The following CTCFL variants were observed in gnomAD, a reference collection of about 807,000 sequenced individuals.
The protein encoded by CTCFL is transcriptional repressor CTCFL.
In CTCFL, 36 loss-of-function variants were observed where a neutral mutation model predicts 67.4. That is an observed-to-expected ratio of 0.53 (90% CI 0.41 to 0.71). CTCFL has a LOEUF of 0.71. Ranked by LOEUF, CTCFL falls within the 30% of genes least tolerant of loss-of-function variation. The pLI, the probability that CTCFL is intolerant of heterozygous loss-of-function variation, is 0.00. For synonymous variants in CTCFL, 324 were observed against 302.3 expected (o/e 1.07, Z -0.75); for missense variants, 786 against 835.2 (o/e 0.94, Z 0.73).
chr20:57,496,269 C>T (rs2146263753), downstream of CTCFL: 2 of 692,182 alleles, frequency 2.9e-6, no homozygotes, highest in East Asian at 2.7e-5. Context: ...GACGCGCCTA[C>T]TCCCTCTTCG....
At chr20:57,519,473 G>A in intron 3 of CTCFL, 96 bp from the exon 4 acceptor site, 1 of 1,057,058 alleles carries the variant, frequency 9.5e-7, no homozygotes, top group Non-Finnish European at 1.4e-6. Context: ...AACTAACGTG[G>A]GAACTGAACA....
At chr20:57,496,096 G>A (rs1244735705), downstream of CTCFL, 3 of 400,906 alleles carry the variant, frequency 7.5e-6, no homozygotes, top group Non-Finnish European at 1.3e-5. Context: ...AGTGTTGGAG[G>A]TGGGGCCTGG....
At chr20:57,513,879 CAAAG>C (rs2068720911) in intron 7 of CTCFL, 1 of 1,288,986 alleles carries the variant, frequency 7.8e-7, no homozygotes. Flanking sequence ...AATCCTGAAA[CAAAG>C]AAGAGGCTCG....
intron 1 of CTCFL, 145 bp downstream of exon 1, chr20:57,524,883 C>CCCCGA (rs1177677921): frequency 6.6e-6 from 3 of 453,884 alleles, no homozygotes; most frequent in Non-Finnish European, 8.7e-6. Context: ...CCACGCCCCG[C>CCCCGA]CCCGACCCGA....
At chr20:57,501,702 G>C (rs1639813392) in intron 10 of CTCFL, among the ~76,000 whole-genome samples, 1 of 152,208 alleles carries the variant, frequency 6.6e-6, no homozygotes, top group African/African-American at 2.4e-5. Flanking sequence ...GGGAACTCCA[G>C]CTGGGAGTGG....
chr20:57,515,997 G>A (rs1356932942), intron 5 of CTCFL, among the ~76,000 whole-genome samples, 163 bp from the exon 6 acceptor site: 1 of 152,120 alleles, frequency 6.6e-6, no homozygotes, highest in Non-Finnish European at 1.5e-5. Flanking sequence ...CATCACTTTT[G>A]ATCATCTGTT....
intron 8 of CTCFL, among the ~76,000 whole-genome samples, chr20:57,510,259 T>C (rs2068462653): frequency 6.6e-6 from 1 of 152,196 alleles, no homozygotes; most frequent in Admixed American, 6.5e-5. Context: ...TCTGAAGAGC[T>C]TTTATGTATA....
At chr20:57,509,087 G>A (rs1280912703) in intron 8 of CTCFL, among the ~76,000 whole-genome samples, 1 of 152,130 alleles carries the variant, frequency 6.6e-6, no homozygotes, top group Non-Finnish European at 1.5e-5. Flanking sequence ...ATGGTCCTTT[G>A]TCCTCTCATT....
chr20:57,518,156 G>A (rs1043890698), intron 5 of CTCFL, among the ~76,000 whole-genome samples: 5 of 152,176 alleles, frequency 3.3e-5, no homozygotes, highest in African/African-American at 1.2e-4. Flanking sequence ...CACACAGTGA[G>A]ACCCTGACAA....
intron 5 of CTCFL, chr20:57,518,420 G>A (rs1446439155): frequency 1.8e-5 from 17 of 953,162 alleles, no homozygotes; most frequent in South Asian, 8.4e-5. Flanking sequence ...TGCATTCTAC[G>A]TTAGAGCAAA....
At chr20:57,520,975 T>A (rs199730963) in intron 3 of CTCFL, among the ~76,000 whole-genome samples, 2 of 152,208 alleles carry the variant, frequency 1.3e-5, no homozygotes, top group East Asian at 3.8e-4. Flanking sequence ...AATAATTCCA[T>A]GTGATAACAG....
At chr20:57,499,073 C>CGGGG (rs11475885) in intron 10 of CTCFL, among the ~76,000 whole-genome samples, 1,385 of 65,268 alleles carry the variant, frequency 0.021, 6 homozygotes, top group Non-Finnish European at 0.033. Context: ...CTGAAGGTGA[C>CGGGG]GGGGGGGGGG....
downstream of CTCFL, chr20:57,495,978 AT>A (rs532871758): frequency 2.3e-3 from 742 of 318,866 alleles, 4 homozygotes; most frequent in African/African-American, 0.014. Flanking sequence ...TTTCAAACAT[AT>A]TTATGTTATC....
intron 3 of CTCFL, among the ~76,000 whole-genome samples, chr20:57,520,388 T>C (rs2069262975): frequency 6.6e-6 from 1 of 152,264 alleles, no homozygotes; most frequent in South Asian, 2.1e-4. Context: ...AATCATCAAA[T>C]ACAGAATATA....
At chr20:57,519,788 G>A (rs895904573) in intron 3 of CTCFL, among the ~76,000 whole-genome samples, 3 of 152,068 alleles carry the variant, frequency 2.0e-5, no homozygotes, top group Admixed American at 6.6e-5. Context: ...AAGATAACCC[G>A]CCCCATCTCT....
chr20:57,519,662 T>C (rs979027834), intron 3 of CTCFL, among the ~76,000 whole-genome samples: 5 of 152,150 alleles, frequency 3.3e-5, no homozygotes, highest in African/African-American at 1.2e-4. Flanking sequence ...AGGGAGGAGA[T>C]GCCTGAACAT....
Position 57,523,826 on chromosome 20 carries a change from CG to C in CTCFL, c.379del (p.Arg127GlyfsTer30). 1 of 1,613,086 alleles carries C rather than the reference CG, an allele frequency of 6.2e-7. No homozygotes were observed. Among genetic ancestry groups the C allele is most frequent in the South Asian group, 1.1e-5 (1 of 91,082 alleles). ...GGCCACACACTGCTGCAGGCTCTGC[CG>C]GGGCCCTTCCTCAAGCCACAGCAAC... ...PGLLWLEEGP[R>X]QSLQQCVAIS... On this transcript the variant is annotated frameshift_variant, in exon 2 of 11. Transcript: ENST00000243914. LOFTEE classifies it high-confidence loss of function.
intron 7 of CTCFL, chr20:57,513,424 A>C: frequency 1.1e-5 from 11 of 989,026 alleles, no homozygotes; most frequent in Non-Finnish European, 1.3e-5. Flanking sequence ...CACCTTACCC[A>C]CAGTGACTCA....
At chr20:57,525,413 G>C (rs965898443), upstream of CTCFL, 1 of 141,978 alleles carries the variant, frequency 7.0e-6, no homozygotes, top group Non-Finnish European at 1.5e-5. Flanking sequence ...GGCACTGGAA[G>C]ACTGGGTAGT....
Sources: gnomAD v4.1 joint callset for allele counts (sites outside exome capture counted in the v4.1 genomes callset) on GRCh38, gnomAD v4.1.1 for gene constraint, MANE v1.5 for transcripts, NCBI Gene and HGNC (gene_info 2026-07-23, HGNC 2026-07-21) for gene names.